The following HECW1 variants were observed in gnomAD, a reference collection of about 807,000 sequenced individuals.
HECW1 encodes HECT, C2 and WW domain containing E3 ubiquitin protein ligase 1.
A neutral mutation model predicts 182.3 loss-of-function variants in HECW1; 61 were observed. That is an observed-to-expected ratio of 0.33 (90% CI 0.27 to 0.41). The LOEUF is 0.41. HECW1 is among the 10% of genes least tolerant of loss of function. The pLI is 1.00. For missense variants in HECW1, 1,739 were observed against 2,108.9 expected (o/e 0.82, Z 3.44); for synonymous variants, 859 against 832.6 (o/e 1.03, Z -0.55).
chr7:43,328,148 A>T (rs988845586), intron 5 of HECW1, among the ~76,000 whole-genome samples: 1 of 151,874 alleles, frequency 6.6e-6, no homozygotes, highest in Non-Finnish European at 1.5e-5. Context: ...TGAGACCTCC[A>T]TCTCTACAAA....
At chr7:43,390,920 A>G (rs374171293) in intron 6 of HECW1, among the ~76,000 whole-genome samples, 1 of 152,248 alleles carries the variant, frequency 6.6e-6, no homozygotes, top group East Asian at 1.9e-4. Context: ...GCCTTGAAGC[A>G]TGACAAGATA....
intron 17 of HECW1, among the ~76,000 whole-genome samples, chr7:43,486,151 T>G (rs1439484690): frequency 1.3e-5 from 2 of 152,200 alleles, no homozygotes; most frequent in Non-Finnish European, 2.9e-5. Flanking sequence ...GAATGATGGT[T>G]TCCAGTTTCA....
At chr7:43,525,365 G>T (rs1189341806) in intron 24 of HECW1, among the ~76,000 whole-genome samples, 1 of 152,144 alleles carries the variant, frequency 6.6e-6, no homozygotes, top group African/African-American at 2.4e-5. Flanking sequence ...GCATTCAAAA[G>T]TCTTTTTGTC....
At chr7:43,159,948 C>T (rs890794711) in intron 2 of HECW1, among the ~76,000 whole-genome samples, 6 of 152,072 alleles carry the variant, frequency 3.9e-5, no homozygotes, top group South Asian at 4.1e-4. Flanking sequence ...CAAAGTGCTG[C>T]GATTACAGGC....
intron 5 of HECW1, among the ~76,000 whole-genome samples, chr7:43,323,421 C>G (rs1810374219): frequency 6.6e-6 from 1 of 152,048 alleles, no homozygotes; most frequent in Non-Finnish European, 1.5e-5. Flanking sequence ...TGGAAAAACC[C>G]CATCTCTGCA....
intron 7 of HECW1, among the ~76,000 whole-genome samples, chr7:43,398,973 G>A (rs1260082730): frequency 6.6e-6 from 1 of 152,228 alleles, no homozygotes; most frequent in African/African-American, 2.4e-5. Flanking sequence ...GGTGCCAGCT[G>A]ATCCATCAAG....
chr7:43,131,125 G>A (rs537260072), intron 2 of HECW1, among the ~76,000 whole-genome samples: 124 of 152,224 alleles, frequency 8.1e-4, no homozygotes, highest in African/African-American at 2.9e-3. Flanking sequence ...AATTAGATGG[G>A]CGTGGTGGCA....
chr7:43,547,311 G>A (rs1372786530), intron 26 of HECW1, among the ~76,000 whole-genome samples: 2 of 152,238 alleles, frequency 1.3e-5, no homozygotes, highest in South Asian at 4.1e-4. Context: ...CACTTTGGGA[G>A]GCCAAGGTGG....
chr7:43,260,354 T>C (rs1313501850), intron 3 of HECW1, among the ~76,000 whole-genome samples: 1 of 151,688 alleles, frequency 6.6e-6, no homozygotes, highest in Non-Finnish European at 1.5e-5. Context: ...AAAGCCCCCA[T>C]TGCAAAAGAA....
chr7:43,328,756 G>A (rs1257979677), intron 5 of HECW1, among the ~76,000 whole-genome samples: 3 of 152,194 alleles, frequency 2.0e-5, no homozygotes, highest in Non-Finnish European at 4.4e-5. Flanking sequence ...AATACAAAAC[G>A]ATGGTGCCGG....
At chr7:43,356,491 G>A (rs7788720) in intron 5 of HECW1, among the ~76,000 whole-genome samples, 27,190 of 151,972 alleles carry the variant, frequency 0.18, 3,130 homozygotes, top group Non-Finnish European at 0.26. Flanking sequence ...CTCCATAATG[G>A]CCATATCATT....
chr7:43,219,358 C>G lies in HECW1; in HGVS notation c.-31-24517C>G, dbSNP rs760474880. ...CAAAAACGAAAACTTTCCAAGGACC[C>G]CTTTTCCTCTCTGTCTGCCTAAAAT... On this transcript the variant is annotated intron_variant, in intron 2 of 29. Transcript: ENST00000395891. Among the ~76,000 whole-genome samples, 4 of 152,096 alleles carry G rather than the reference C, an allele frequency of 2.6e-5. No individual in the cohort carries two copies. The South Asian group carries it at 6.2e-4, about 24-fold the overall frequency.
At chr7:43,358,435 G>C (rs1815434625) in intron 5 of HECW1, among the ~76,000 whole-genome samples, 1 of 152,114 alleles carries the variant, frequency 6.6e-6, no homozygotes, top group African/African-American at 2.4e-5. Context: ...ACAGACATGT[G>C]AAAGAACTAT....
At chr7:43,549,151 A>G (rs1223126787) in intron 26 of HECW1, among the ~76,000 whole-genome samples, 4 of 152,118 alleles carry the variant, frequency 2.6e-5, no homozygotes, top group Non-Finnish European at 4.4e-5. Context: ...AGTGCCATAC[A>G]CTTCTGCTTA....
At position 43,227,537 on chromosome 7, in the gene HECW1, C is replaced by T. The variant is rs536587904; in HGVS notation, c.-31-16338C>T. ...AGATTTAATTTAATCTACCAATATG[C>T]CATGTTCTTTCATGAGAAAACTGAA... On this transcript the variant is annotated intron_variant, in intron 2 of 29. Coordinates refer to ENST00000395891, the MANE Select transcript of HECW1 (RefSeq NM_015052.5). Among the ~76,000 whole-genome samples the T allele has an allele frequency of 3.3e-5, 5 of 152,088 alleles. No individual in the cohort carries two copies. In the South Asian group the frequency reaches 1.0e-3, roughly 32 times the overall value.
chr7:43,441,625 G>A (rs1220258596), intron 9 of HECW1, among the ~76,000 whole-genome samples: 1 of 152,046 alleles, frequency 6.6e-6, no homozygotes, highest in Admixed American at 6.6e-5. Flanking sequence ...AATATTTTAG[G>A]CTTTGCAAGG....
intron 2 of HECW1, among the ~76,000 whole-genome samples, chr7:43,178,338 G>A (rs897753490): frequency 1.3e-5 from 2 of 152,178 alleles, no homozygotes; most frequent in South Asian, 2.1e-4. Context: ...CCCATGGACC[G>A]AGCCACAAGC....
chr7:43,391,721 G>A (rs1408950519), intron 6 of HECW1, among the ~76,000 whole-genome samples: 1 of 152,186 alleles, frequency 6.6e-6, no homozygotes, highest in East Asian at 1.9e-4. Flanking sequence ...CCAACAGCAA[G>A]CAGTTAGAAT....
At chr7:43,251,914 A>T (rs939133235) in intron 3 of HECW1, among the ~76,000 whole-genome samples, 1 of 152,128 alleles carries the variant, frequency 6.6e-6, no homozygotes, top group African/African-American at 2.4e-5. Context: ...CAGCAATCGC[A>T]AGAGGCAGTG....
Sources: allele counts gnomAD v4.1 joint callset (sites outside exome capture counted in the v4.1 genomes callset), GRCh38; gene constraint gnomAD v4.1.1; transcripts MANE v1.5; gene names NCBI Gene and HGNC (gene_info 2026-07-23, HGNC 2026-07-21).